The following ZRANB3 variants were observed in gnomAD, a reference collection of about 807,000 sequenced individuals.
ZRANB3 encodes zinc finger RANBP2-type containing 3, also known as DNA annealing helicase and endonuclease ZRANB3.
ZRANB3 carries 125 observed loss-of-function variants against 133.8 expected under a neutral mutation model. The observed-to-expected ratio is 0.93, with a 90% CI of 0.81 to 1.08. The LOEUF (loss-of-function observed/expected upper bound fraction) is 1.08, where lower values mean the gene tolerates loss of function less well. Ranked by LOEUF, ZRANB3 falls within the 50% of genes least tolerant of loss-of-function variation. The pLI, the probability that ZRANB3 is intolerant of heterozygous loss-of-function variation, is 0.00. For synonymous variants in ZRANB3, 387 were observed against 432.7 expected, an observed-to-expected ratio of 0.89 and a Z score of 1.31; for missense variants, 1,229 against 1,275.5, an observed-to-expected ratio of 0.96 and a Z score of 0.56.
chr2:135,339,835 G>A (rs543345652), intron 6 of ZRANB3, among the ~76,000 whole-genome samples: 8 of 151,934 alleles, frequency 5.3e-5, no homozygotes, highest in East Asian at 1.9e-4. Flanking sequence ...TTTCTCAGTC[G>A]CTGAAATTAG....
At position 135,224,548 on chromosome 2, in the gene ZRANB3, G is replaced by C. The variant is rs767925795; in HGVS notation, c.2159-31C>G. 36 of 1,528,756 alleles carry C rather than the reference G, an allele frequency of 2.4e-5. No individual in the cohort carries two copies. The South Asian group carries it at 3.7e-4, about 16-fold the overall frequency. 94.7% of individuals were successfully genotyped at this position (1,528,756 alleles called of 1,614,324 possible). ...AAAGAAGACAAAAGAGAACCTGAAG[G>C]CTTATCTACCCTCTATCTAAAATAG... On this transcript the variant is annotated intron_variant, in intron 14 of 20. Coordinates refer to ENST00000264159, the MANE Select transcript of ZRANB3 (RefSeq NM_032143.4).
chr2:135,292,012 T>C (rs546733157), intron 8 of ZRANB3, among the ~76,000 whole-genome samples: 3 of 152,364 alleles, frequency 2.0e-5, no homozygotes, highest in African/African-American at 4.8e-5. Context: ...ACATTTGGGT[T>C]GGTTCCAAGT....
intron 2 of ZRANB3, among the ~76,000 whole-genome samples, chr2:135,443,374 G>A (rs1689872424): frequency 6.9e-6 from 1 of 143,910 alleles, no homozygotes; most frequent in South Asian, 2.3e-4. Context: ...CACACAGTGG[G>A]GCCTGTCAGG....
chr2:135,343,384 G>A (rs1684783447), intron 6 of ZRANB3, among the ~76,000 whole-genome samples: 1 of 149,732 alleles, frequency 6.7e-6, no homozygotes. Context: ...GGTTTTTAAT[G>A]AGTTTCTGGA....
At position 135,230,899 on chromosome 2, in the gene ZRANB3, C is replaced by T. The variant is rs1694983832; in HGVS notation, c.1568G>A (p.Arg523Gln). 1.9e-6 allele frequency: 3 copies of T among 1,571,944 alleles called. No homozygotes were observed. Among genetic ancestry groups the T allele is most frequent in the Non-Finnish European group, 2.6e-6 (3 of 1,161,136 alleles). ...HFEKEKQHDI[R>Q]SFFVPQPKKR... is the part of the protein sequence containing the mutation. ...TTTAGGTTGTGGTACAAAAAATGAT[C>T]GAATATCATGCTGTTTTTCTTTTTC... The change falls in exon 13 of 21, where the codon CGA becomes CAA. Residue 523 changes from arginine (R) to glutamine (Q), a missense_variant. Coordinates refer to ENST00000264159, the MANE Select transcript of ZRANB3 (RefSeq NM_032143.4).
intron 2 of ZRANB3, among the ~76,000 whole-genome samples, chr2:135,420,064 C>T (rs1010516529): frequency 9.1e-5 from 12 of 132,146 alleles, no homozygotes; most frequent in East Asian, 8.5e-4. Flanking sequence ...TTAGATTTTA[C>T]GTAAGATACA....
chr2:135,524,093 CT>C (rs555928972), intron 1 of ZRANB3, among the ~76,000 whole-genome samples: 4 of 148,444 alleles, frequency 2.7e-5, no homozygotes, highest in African/African-American at 2.5e-5. Context: ...ATTCTTTTTT[CT>C]TTTTTTTTTG....
intron 6 of ZRANB3, among the ~76,000 whole-genome samples, chr2:135,324,567 C>T (rs1260061237): frequency 1.3e-5 from 2 of 152,128 alleles, no homozygotes; most frequent in African/African-American, 2.4e-5. Context: ...TTTATAGCAG[C>T]ATTATTTATA....
intron 2 of ZRANB3, among the ~76,000 whole-genome samples, chr2:135,428,927 C>A (rs1245051874): frequency 1.3e-5 from 2 of 152,176 alleles, no homozygotes; most frequent in Admixed American, 1.3e-4. Context: ...TATTTATACA[C>A]CGCTTGTGGG....
intron 2 of ZRANB3, among the ~76,000 whole-genome samples, chr2:135,403,733 G>A (rs1023633705): frequency 1.2e-4 from 18 of 152,082 alleles, no homozygotes; most frequent in African/African-American, 4.1e-4. Context: ...TCACACGGCC[G>A]GGTACTCCTC....
rs1356195889 is a variant in ZRANB3, at chr2:135,482,289, C to T, written c.161+22040G>A. On this transcript the variant is annotated intron_variant, in intron 2 of 20. Transcript: ENST00000264159. ...CATTTGTTTGTATCCTCTTTTATTT[C>T]GTTGAGCAGTGGTTTGTAGTTCTCC... Among the ~76,000 whole-genome samples, 6 of 130,430 alleles carry T rather than the reference C, an allele frequency of 4.6e-5. 1 individual carries two copies. The highest frequency in any genetic ancestry group is 2.6e-4 in the South Asian group (1 of 3,880). 85.6% of individuals were successfully genotyped at this position (130,430 alleles called of 152,430 possible).
Position 135,504,464 on chromosome 2 carries a change from T to G in ZRANB3, c.26A>C (p.Lys9Thr). Reference protein sequence around the residue: MPRVHNIKKSLTPHISCVT... With the variant: MPRVHNIKTSLTPHISCVT... ...ACAAGAAATGTGAGGTGTAAGAGAC[T>G]TTTTTATGTTATGAACCCTAGGCAT... is the stretch of plus-strand genomic sequence containing the variant. Residue 9 changes from lysine to threonine, a missense_variant, in exon 2 of 21, where the codon AAG (lysine) becomes ACG (threonine). Lys to Thr is a moderately conservative substitution (Grantham distance 78). Coordinates refer to ENST00000264159, the MANE Select transcript of ZRANB3 (RefSeq NM_032143.4). 2 of 1,613,000 alleles carry G rather than the reference T, an allele frequency of 1.2e-6. No individual in the cohort carries two copies. Among genetic ancestry groups the G allele is most frequent in the Non-Finnish European group, 1.7e-6 (2 of 1,179,554 alleles).
intron 2 of ZRANB3, among the ~76,000 whole-genome samples, chr2:135,493,104 T>A (rs1484881987): frequency 0.022 from 3 of 138 alleles, no homozygotes; most frequent in Non-Finnish European, 0.083. Flanking sequence ...ACCAAATATA[T>A]ATATATATAT....
At chr2:135,371,449 T>C (rs886206038) in intron 3 of ZRANB3, among the ~76,000 whole-genome samples, 1 of 152,212 alleles carries the variant, frequency 6.6e-6, no homozygotes, top group African/African-American at 2.4e-5. Context: ...TATCTGGGTA[T>C]GGTTTAACTC....
chr2:135,255,002 C>T (rs1418829730), intron 12 of ZRANB3, among the ~76,000 whole-genome samples: 2 of 152,046 alleles, frequency 1.3e-5, no homozygotes, highest in African/African-American at 2.4e-5. Flanking sequence ...CTGCCTGCCT[C>T]GGCCTCCCAA....
At chr2:135,523,892 T>C (rs1045770454) in intron 1 of ZRANB3, among the ~76,000 whole-genome samples, 3 of 152,170 alleles carry the variant, frequency 2.0e-5, no homozygotes, top group Non-Finnish European at 2.9e-5. Context: ...ATTTGGGACA[T>C]GCTGAATTTG....
At position 135,511,921 on chromosome 2, in the gene ZRANB3, G is replaced by T. The variant is rs188860849; in HGVS notation, c.-7-7425C>A. ...CACAAATTCCCACCCAACCAGCAGG[G>T]GACTAGCCTTCTCCATCACCATTGC... On this transcript the variant is annotated intron_variant, in intron 1 of 20. Transcript: ENST00000264159. 6 of 759,666 alleles carry T rather than the reference G, an allele frequency of 7.9e-6. No individual in the cohort carries two copies. The East Asian group carries it at 1.5e-4, about 19-fold the overall frequency. The allele number at this position is 759,666 out of a possible 1,614,324, so 47.1% of individuals were successfully genotyped here.
chr2:135,433,866 G>A (rs1396169460), intron 2 of ZRANB3, among the ~76,000 whole-genome samples: 2 of 152,148 alleles, frequency 1.3e-5, no homozygotes, highest in Admixed American at 1.3e-4. Flanking sequence ...GCATGGTGAC[G>A]TGTGCCTGTA....
intron 1 of ZRANB3, among the ~76,000 whole-genome samples, chr2:135,519,576 C>T (rs1345130164): frequency 1.3e-5 from 2 of 152,272 alleles, no homozygotes; most frequent in East Asian, 3.9e-4. Flanking sequence ...ATCTCTACTT[C>T]AGGGCTAAAT....
Sources: gnomAD v4.1 joint callset for allele counts (sites outside exome capture counted in the v4.1 genomes callset) on GRCh38, gnomAD v4.1.1 for gene constraint, MANE v1.5 for transcripts, NCBI Gene and HGNC (gene_info 2026-07-23, HGNC 2026-07-21) for gene names.